DNER: variants seen among roughly 807,000 people sequenced by gnomAD.
DNER encodes the protein delta/notch like EGF repeat containing.
Under a neutral mutation model 78.2 loss-of-function variants are expected in DNER, and 33 were observed. The observed-to-expected ratio is 0.42, with a 90% CI of 0.32 to 0.56. DNER has a LOEUF of 0.56. Ranked by LOEUF, DNER falls within the 20% of genes least tolerant of loss-of-function variation. The pLI is 0.11. For missense variants in DNER, 918 were observed against 975.3 expected (o/e 0.94, Z 0.78); for synonymous variants, 417 against 384.8 (o/e 1.08, Z -0.98).
intron 7 of DNER, among the ~76,000 whole-genome samples, chr2:229,470,575 C>T (rs960609678): frequency 7.2e-5 from 11 of 152,044 alleles, no homozygotes; most frequent in Non-Finnish European, 1.0e-4. Context: ...TTTGGAAGGG[C>T]GCAGTGGCTC....
At position 229,571,607 on chromosome 2, in the gene DNER, C is replaced by T. The variant is rs955903676; in HGVS notation, c.847+14251G>A. ...CACTCAACTTCTACCCCTGGCCTCC[C>T]CGTGAATTGGGGTTCTGCACTTTTA... On this transcript the variant is annotated intron_variant, in intron 4 of 12. Coordinates refer to ENST00000341772, the MANE Select transcript of DNER (RefSeq NM_139072.4). Among the ~76,000 whole-genome samples the T allele has an allele frequency of 4.9e-4, 74 of 152,288 alleles. 1 individual carries two copies. Among genetic ancestry groups the T allele is most frequent in the African/African-American group, 1.6e-3 (66 of 41,556 alleles).
chr2:229,592,038 G>T (rs1045963847), intron 1 of DNER, 150 bp from the exon 2 acceptor site: 11 of 1,100,016 alleles, frequency 1.0e-5, no homozygotes, highest in Non-Finnish European at 1.4e-5. Context: ...CTGTTGTGGG[G>T]TGGGGTGTAC....
intron 1 of DNER, among the ~76,000 whole-genome samples, chr2:229,693,771 A>G (rs926636341): frequency 6.6e-6 from 1 of 152,228 alleles, no homozygotes; most frequent in African/African-American, 2.4e-5. Flanking sequence ...AAGATGAAGC[A>G]GAGCATAAGA....
chr2:229,388,647 AGC>A (rs1692954392), intron 10 of DNER, among the ~76,000 whole-genome samples: 4 of 99,818 alleles, frequency 4.0e-5, no homozygotes, highest in African/African-American at 1.2e-4. Context: ...ATATATATAT[AGC>A]ACTGGTAAAA....
intron 1 of DNER, among the ~76,000 whole-genome samples, chr2:229,625,961 C>T (rs12474401): frequency 0.49 from 73,323 of 151,124 alleles, 19,989 homozygotes; most frequent in Admixed American, 0.6. Context: ...GCTCTTTTGC[C>T]CAGGCCGGAC....
chr2:229,548,217 G>C (rs965335254), intron 4 of DNER, among the ~76,000 whole-genome samples: 3 of 152,188 alleles, frequency 2.0e-5, no homozygotes, highest in Non-Finnish European at 4.4e-5. Flanking sequence ...TCAGGAAAAA[G>C]AGTAGGTTTG....
chr2:229,704,733 C>T (rs1325478262), intron 1 of DNER, among the ~76,000 whole-genome samples: 2 of 152,112 alleles, frequency 1.3e-5, no homozygotes, highest in Admixed American at 1.3e-4. Flanking sequence ...TGTTACACAC[C>T]TATGTGTCAA....
chr2:229,604,494 T>C (rs1401524227), intron 1 of DNER, among the ~76,000 whole-genome samples: 1 of 152,158 alleles, frequency 6.6e-6, no homozygotes, highest in Non-Finnish European at 1.5e-5. Context: ...GAGAGAAATC[T>C]ATGAGTGCCT....
At chr2:229,606,098 G>A (rs182981077) in intron 1 of DNER, 1 of 152,232 alleles carries the variant, frequency 6.6e-6, no homozygotes, top group Admixed American at 6.5e-5. Flanking sequence ...AAGAAAAGGG[G>A]GATCCTCAAG....
intron 5 of DNER, among the ~76,000 whole-genome samples, chr2:229,513,139 A>G (rs1695906174): frequency 6.6e-6 from 1 of 152,230 alleles, no homozygotes. Flanking sequence ...ACGTTTTTCT[A>G]TTCTTTGTTC....
At chr2:229,474,429 C>A (rs1694990071) in intron 7 of DNER, among the ~76,000 whole-genome samples, 1 of 152,152 alleles carries the variant, frequency 6.6e-6, no homozygotes, top group South Asian at 2.1e-4. Context: ...GATAAACCTT[C>A]GAATAAAAGT....
intron 11 of DNER, among the ~76,000 whole-genome samples, chr2:229,376,206 G>C (rs1692596890): frequency 6.6e-6 from 1 of 152,106 alleles, no homozygotes; most frequent in Non-Finnish European, 1.5e-5. Flanking sequence ...TCAACGAAGC[G>C]ATGGTATTAA....
intron 1 of DNER, among the ~76,000 whole-genome samples, chr2:229,639,074 T>C (rs1372904102): frequency 1.3e-5 from 2 of 152,216 alleles, no homozygotes; most frequent in Non-Finnish European, 2.9e-5. Context: ...GTTAGGTTTA[T>C]ACCCTGAACA....
At chr2:229,418,011 A>C in intron 9 of DNER, 97 bp downstream of exon 9, 1 of 1,578,066 alleles carries the variant, frequency 6.3e-7, no homozygotes, top group East Asian at 2.2e-5. Flanking sequence ...TATTCTGAAC[A>C]ATTCATGGTC....
At chr2:229,654,055 G>T (rs1574944747) in intron 1 of DNER, among the ~76,000 whole-genome samples, 2 of 152,226 alleles carry the variant, frequency 1.3e-5, no homozygotes, top group South Asian at 4.2e-4. Flanking sequence ...CCATGTTGGT[G>T]TGCTGCACCC....
At chr2:229,631,358 C>T (rs1480826174) in intron 1 of DNER, among the ~76,000 whole-genome samples, 1 of 152,176 alleles carries the variant, frequency 6.6e-6, no homozygotes, top group Non-Finnish European at 1.5e-5. Flanking sequence ...CCAGTGATTT[C>T]TTGGAGCAGA....
intron 9 of DNER, among the ~76,000 whole-genome samples, chr2:229,416,805 C>T (rs35658974): frequency 0.37 from 56,339 of 151,936 alleles, 12,090 homozygotes; most frequent in Middle Eastern, 0.48. Flanking sequence ...GGTCATCTAC[C>T]TTATTGAGCC....
At chr2:229,609,614 A>C (rs574565914) in intron 1 of DNER, among the ~76,000 whole-genome samples, 91 of 152,294 alleles carry the variant, frequency 6.0e-4, no homozygotes, top group East Asian at 2.5e-3. Context: ...CCTTTACAGA[A>C]AAAGTTTGCT....
intron 5 of DNER, among the ~76,000 whole-genome samples, chr2:229,524,008 C>A (rs2051226115): frequency 1.3e-5 from 2 of 152,204 alleles, no homozygotes. Flanking sequence ...ATGCAGTTAT[C>A]CTCATAGCTA....
Sources: allele counts gnomAD v4.1 joint callset (sites outside exome capture counted in the v4.1 genomes callset), GRCh38; gene constraint gnomAD v4.1.1; transcripts MANE v1.5; gene names NCBI Gene and HGNC (gene_info 2026-07-23, HGNC 2026-07-21).